Variants in LNX2 observed in about 807,000 individuals in gnomAD.
LNX2 encodes the protein ligand of numb-protein X 2, also known as ligand of Numb protein X 2.
In LNX2, 35 loss-of-function variants were observed where a neutral mutation model predicts 66.2. The observed-to-expected ratio is 0.53, with a 90% CI of 0.40 to 0.70. The LOEUF is 0.70. Among genes scored for constraint, LNX2 ranks in the 30% least tolerant of loss-of-function variants. LNX2 has a pLI of 0.00. For missense variants in LNX2, 791 were observed against 850.8 expected (o/e 0.93, Z 0.87); for synonymous variants, 337 against 315.6 (o/e 1.07, Z -0.72).
intron 6 of LNX2, among the ~76,000 whole-genome samples, chr13:27,558,130 A>AT (rs1263920240): frequency 6.6e-6 from 1 of 151,196 alleles, no homozygotes. Context: ...TAGAAGACTA[A>AT]TATATACTTT....
chr13:27,606,849 G>T (rs1304887743), intron 1 of LNX2, among the ~76,000 whole-genome samples: 13 of 152,218 alleles, frequency 8.5e-5, no homozygotes, highest in African/African-American at 2.9e-4. Flanking sequence ...AAATGAGAAA[G>T]CAGTCAAGAT....
At chr13:27,594,595 T>A (rs1250683511) in intron 1 of LNX2, among the ~76,000 whole-genome samples, 1 of 152,228 alleles carries the variant, frequency 6.6e-6, no homozygotes, top group Non-Finnish European at 1.5e-5. Flanking sequence ...GTATGCAGTA[T>A]GAGAATAGAT....
intron 1 of LNX2, among the ~76,000 whole-genome samples, chr13:27,589,371 TACAC>T (rs946817969): frequency 2.0e-5 from 3 of 152,220 alleles, no homozygotes; most frequent in Non-Finnish European, 2.9e-5. Context: ...ATTAATCACA[TACAC>T]ACACAGAGGG....
intron 8 of LNX2, among the ~76,000 whole-genome samples, chr13:27,552,796 C>T (rs764746378): frequency 7.9e-5 from 12 of 152,152 alleles, no homozygotes; most frequent in African/African-American, 1.9e-4. Context: ...CCCTTTTTAG[C>T]GAGAGTTAAA....
In LNX2 at chr13:27,567,553, G is replaced by A. The variant is rs1955221572; in HGVS notation, c.855+87C>T. On this transcript the variant is annotated intron_variant, in intron 4 of 9. Transcript: ENST00000316334. ...GTAAAACTAATCTATATATAATTTA[G>A]GTTCCAAAACAGCACAATTTTCTAA... 2.9e-6 allele frequency: 3 copies of A among 1,035,420 alleles called. No individual in the cohort carries two copies. In the South Asian group the frequency reaches 4.2e-5, roughly 15 times the overall value. The allele number at this position is 1,035,420 out of a possible 1,614,324, so 64.1% of individuals were successfully genotyped here. A position where few individuals can be genotyped will look rare whatever the true frequency, so the allele number is the denominator to read the frequency against.
chr13:27,561,418 T>A (rs1197535730), intron 5 of LNX2, among the ~76,000 whole-genome samples: 1 of 152,180 alleles, frequency 6.6e-6, no homozygotes, highest in Admixed American at 6.5e-5. Context: ...CAAGATGAGC[T>A]GGGTTTTAGT....
chr13:27,592,177 G>A (rs1955552020), intron 1 of LNX2, among the ~76,000 whole-genome samples: 2 of 152,182 alleles, frequency 1.3e-5, no homozygotes, highest in Non-Finnish European at 1.5e-5. Context: ...ATAATCTGAA[G>A]GGCTCAAAGG....
chr13:27,586,001 CTTAT>C (rs748225373), intron 1 of LNX2, among the ~76,000 whole-genome samples: 83 of 104,672 alleles, frequency 7.9e-4, no homozygotes, highest in African/African-American at 2.6e-3. Context: ...TATATATACA[CTTAT>C]ATATATATAT....
Position 27,556,274 on chromosome 13 carries a change from G to T in LNX2, c.1508C>A (p.Pro503His). ...ELPIFVTSVPPHGCLARDGRI... is the reference protein window; with the variant it reads ...ELPIFVTSVPHHGCLARDGRI... ...GCCATCTCGTGCAAGGCAGCCATGG[G>T]GTGGCACACTGGTCACAAAGATGGG... The change falls in exon 7 of 10, where the codon CCC (proline) becomes CAC (histidine). Residue 503 changes from proline to histidine, a missense_variant. Physicochemically the swap from Pro to His is moderately conservative, Grantham distance 77. Transcript: ENST00000316334. 1 of 1,613,794 alleles carries T rather than the reference G, an allele frequency of 6.2e-7. No individual in the cohort carries two copies. Among genetic ancestry groups the T allele is most frequent in the Non-Finnish European group, 8.5e-7 (1 of 1,179,926 alleles).
At chr13:27,594,780 T>C (rs1366291921) in intron 1 of LNX2, among the ~76,000 whole-genome samples, 1 of 152,132 alleles carries the variant, frequency 6.6e-6, no homozygotes, top group African/African-American at 2.4e-5. Context: ...CCCTGCCTCA[T>C]TTTCCATACC....
chr13:27,583,098 A>G (rs1014383109), intron 1 of LNX2, among the ~76,000 whole-genome samples: 1 of 151,834 alleles, frequency 6.6e-6, no homozygotes, highest in African/African-American at 2.4e-5. Flanking sequence ...AACAGATAAG[A>G]TATGTTATAC....
At chr13:27,606,071 G>C (rs966056827) in intron 1 of LNX2, among the ~76,000 whole-genome samples, 1 of 152,072 alleles carries the variant, frequency 6.6e-6, no homozygotes, top group Non-Finnish European at 1.5e-5. Flanking sequence ...AAACTGTAAA[G>C]GGACAATCTG....
intron 2 of LNX2, among the ~76,000 whole-genome samples, chr13:27,572,624 C>G (rs563472409): frequency 6.6e-6 from 1 of 152,330 alleles, no homozygotes; most frequent in South Asian, 2.1e-4. Context: ...TCCCACTATT[C>G]TGGCTCTCCT....
intron 9 of LNX2, among the ~76,000 whole-genome samples, chr13:27,550,129 C>T (rs1350094770): frequency 2.6e-5 from 4 of 152,220 alleles, no homozygotes; most frequent in Non-Finnish European, 5.9e-5. Flanking sequence ...AAGACCCATA[C>T]AGTCTCTGTC....
chr13:27,558,971 G>A (rs1955096473), intron 6 of LNX2, among the ~76,000 whole-genome samples: 1 of 152,092 alleles, frequency 6.6e-6, no homozygotes, highest in African/African-American at 2.4e-5. Context: ...TTTTTGCTTA[G>A]TAAAGCAATT....
chr13:27,584,175 T>C (rs1446715751), intron 1 of LNX2, among the ~76,000 whole-genome samples: 1 of 152,144 alleles, frequency 6.6e-6, no homozygotes, highest in Non-Finnish European at 1.5e-5. Flanking sequence ...GCTACTAGCA[T>C]TTCTATTTCA....
At chr13:27,616,620 T>C (rs1201762735) in intron 1 of LNX2, among the ~76,000 whole-genome samples, 1 of 152,230 alleles carries the variant, frequency 6.6e-6, no homozygotes, top group Non-Finnish European at 1.5e-5. Context: ...ATTCTGCAGT[T>C]AGCAAAATAG....
intron 7 of LNX2, among the ~76,000 whole-genome samples, chr13:27,556,016 A>G (rs1329725079): frequency 6.6e-6 from 1 of 152,140 alleles, no homozygotes; most frequent in Non-Finnish European, 1.5e-5. Flanking sequence ...AGTAACTGTT[A>G]GCAAATTCTG....
At chr13:27,611,590 C>A (rs770518403) in intron 1 of LNX2, among the ~76,000 whole-genome samples, 1 of 152,000 alleles carries the variant, frequency 6.6e-6, no homozygotes, top group Non-Finnish European at 1.5e-5. Context: ...TATGTGGTTG[C>A]CACAATAAAA....
Sources: gnomAD v4.1 joint callset for allele counts (sites outside exome capture counted in the v4.1 genomes callset) on GRCh38, gnomAD v4.1.1 for gene constraint, MANE v1.5 for transcripts, NCBI Gene and HGNC (gene_info 2026-07-23, HGNC 2026-07-21) for gene names.